Variants in CCDC73 observed in about 807,000 individuals in gnomAD.
CCDC73 encodes coiled-coil domain containing 73.
Under a neutral mutation model 116.5 loss-of-function variants are expected in CCDC73, and 95 were observed. The observed-to-expected ratio is 0.82, with a 90% CI of 0.69 to 0.97. The LOEUF (loss-of-function observed/expected upper bound fraction) is 0.97, where lower values mean the gene tolerates loss of function less well. CCDC73 is among the 50% of genes least tolerant of loss of function. The probability of loss-of-function intolerance (pLI) is 0.00; values close to 1 mark genes in which losing one functional copy is unlikely to be tolerated. For synonymous variants in CCDC73, 398 were observed against 401.3 expected (o/e 0.99, Z 0.10); for missense variants, 1,066 against 1,206.8 (o/e 0.88, Z 1.73).
the CCDC73 span, chr11:32,829,743 G>A: frequency 1.0e-5 from 10 of 984,274 alleles, no homozygotes; most frequent in Non-Finnish European, 1.2e-5. Flanking sequence ...CCGCCAAGGC[G>A]GGGCCAGAAC....
intron 9 of CCDC73, among the ~76,000 whole-genome samples, chr11:32,669,935 A>G (rs1448895862): frequency 6.6e-6 from 1 of 152,202 alleles, no homozygotes; most frequent in Non-Finnish European, 1.5e-5. Context: ...GGGAGTGCAG[A>G]TATCTCTTCA....
chr11:32,637,309 C>T (rs1375837432), intron 13 of CCDC73, among the ~76,000 whole-genome samples: 2 of 152,018 alleles, frequency 1.3e-5, no homozygotes, highest in African/African-American at 2.4e-5. Flanking sequence ...CTGAGCCTGG[C>T]CCTGTCTTTC....
intron 2 of CCDC73, among the ~76,000 whole-genome samples, chr11:32,729,473 A>G (rs1850057345): frequency 6.6e-6 from 1 of 152,280 alleles, no homozygotes; most frequent in South Asian, 2.1e-4. Context: ...TAGTGCTGCA[A>G]TGAACATACG....
At chr11:32,696,375 T>C (rs1856311194) in intron 6 of CCDC73, among the ~76,000 whole-genome samples, 1 of 152,168 alleles carries the variant, frequency 6.6e-6, no homozygotes. Flanking sequence ...TGAATAACTA[T>C]TTTATTATGA....
chr11:32,662,846 T>C (rs1403566767), intron 9 of CCDC73, among the ~76,000 whole-genome samples: 1 of 152,294 alleles, frequency 6.6e-6, no homozygotes, highest in South Asian at 2.1e-4. Context: ...CTTTAATCCA[T>C]CTTGAATTAA....
chr11:32,751,686 A>T (rs1850288665), intron 2 of CCDC73, among the ~76,000 whole-genome samples: 1 of 152,062 alleles, frequency 6.6e-6, no homozygotes, highest in Non-Finnish European at 1.5e-5. Flanking sequence ...GAGATTCAAG[A>T]CTGTCTTTCC....
intron 2 of CCDC73, chr11:32,758,512 T>A (rs1020728622): frequency 8.7e-6 from 4 of 459,646 alleles, no homozygotes; most frequent in African/African-American, 8.0e-5. Flanking sequence ...GTTCCATGTA[T>A]GCTAATTGTG....
At chr11:32,685,180 T>A (rs1590592925) in intron 6 of CCDC73, among the ~76,000 whole-genome samples, 1 of 150,920 alleles carries the variant, frequency 6.6e-6, no homozygotes, top group Admixed American at 6.6e-5. Flanking sequence ...AATGGATGGG[T>A]TGTATATGAT....
chr11:32,780,689 A>G (rs1850575985), intron 1 of CCDC73, among the ~76,000 whole-genome samples: 1 of 152,238 alleles, frequency 6.6e-6, no homozygotes, highest in South Asian at 2.1e-4. Context: ...AATAACGGCT[A>G]ATGTTTGTTG....
At chr11:32,709,754 C>G (rs1438585853) in intron 3 of CCDC73, among the ~76,000 whole-genome samples, 1 of 152,158 alleles carries the variant, frequency 6.6e-6, no homozygotes, top group East Asian at 1.9e-4. Context: ...TTCCCTCTTT[C>G]TCTTTTGAAA....
At chr11:32,721,913 G>C (rs1361232161) in intron 2 of CCDC73, among the ~76,000 whole-genome samples, 1 of 152,000 alleles carries the variant, frequency 6.6e-6, no homozygotes, top group Non-Finnish European at 1.5e-5. Flanking sequence ...TCACTTTTAT[G>C]TCCTTTGCTT....
intron 2 of CCDC73, among the ~76,000 whole-genome samples, chr11:32,755,560 TATGTACATATATATCC>T (rs1362367808): frequency 1.4e-5 from 2 of 138,212 alleles, no homozygotes; most frequent in Admixed American, 7.5e-5. Context: ...TATATATATA[TATGTACATATATATCC>T]ATATATATGT....
intron 1 of CCDC73, among the ~76,000 whole-genome samples, chr11:32,769,881 T>G (rs901845610): frequency 3.3e-5 from 5 of 152,218 alleles, no homozygotes; most frequent in African/African-American, 1.2e-4. Context: ...AACTATTTTA[T>G]TACACAACAC....
chr11:32,603,078 T>G, intron 17 of CCDC73, 58 bp from the exon 18 acceptor site: 3 of 1,369,886 alleles, frequency 2.2e-6, no homozygotes, highest in Non-Finnish European at 3.0e-6. Flanking sequence ...TTTTAAAGAG[T>G]CTGTAAAGCC....
intron 2 of CCDC73, among the ~76,000 whole-genome samples, chr11:32,725,231 G>A (rs917445930): frequency 5.1e-4 from 77 of 151,898 alleles, no homozygotes; most frequent in African/African-American, 1.8e-3. Flanking sequence ...AATACAATAA[G>A]ATATTTTGGC....
intron 7 of CCDC73, chr11:32,680,012 A>G (rs1856129185): frequency 6.6e-6 from 1 of 152,226 alleles, no homozygotes; most frequent in Non-Finnish European, 1.5e-5. Context: ...AGCCTATTCA[A>G]TGGCCATGAT....
intron 1 of CCDC73, among the ~76,000 whole-genome samples, chr11:32,771,548 T>C (rs1850492709): frequency 6.6e-6 from 1 of 152,212 alleles, no homozygotes; most frequent in Admixed American, 6.5e-5. Flanking sequence ...CACTGTGTAT[T>C]GAATGTGTAA....
intron 12 of CCDC73, among the ~76,000 whole-genome samples, chr11:32,642,341 T>A (rs1435256639): frequency 2.0e-5 from 3 of 152,044 alleles, no homozygotes; most frequent in Non-Finnish European, 4.4e-5. Context: ...TTTCACTGCA[T>A]AAGTTTTAAT....
intron 1 of CCDC73, among the ~76,000 whole-genome samples, chr11:32,769,271 T>C (rs1413661482): frequency 6.6e-6 from 1 of 152,232 alleles, no homozygotes; most frequent in African/African-American, 2.4e-5. Flanking sequence ...TTAGGATTGC[T>C]AATTTGTACT....
Sources: gnomAD v4.1 joint callset for allele counts (sites outside exome capture counted in the v4.1 genomes callset) on GRCh38, gnomAD v4.1.1 for gene constraint, MANE v1.5 for transcripts, NCBI Gene and HGNC (gene_info 2026-07-23, HGNC 2026-07-21) for gene names.